ZNF490: variants seen among roughly 807,000 people sequenced by gnomAD.
The protein encoded by ZNF490 is zinc finger protein 490.
ZNF490 carries 11 observed loss-of-function variants against 17.7 expected under a neutral mutation model. That is an observed-to-expected ratio of 0.62 (90% CI 0.39 to 1.03). ZNF490 has a LOEUF of 1.03. ZNF490 is among the 50% of genes least tolerant of loss of function. The pLI is 0.00. For synonymous variants in ZNF490, 222 were observed against 216.1 expected, an observed-to-expected ratio of 1.03 and a Z score of -0.24; for missense variants, 542 against 643.4, an observed-to-expected ratio of 0.84 and a Z score of 1.71.
intron 2 of ZNF490, among the ~76,000 whole-genome samples, chr19:12,608,635 G>A (rs2023102239): frequency 6.6e-6 from 1 of 151,872 alleles, no homozygotes; most frequent in Non-Finnish European, 1.5e-5. Flanking sequence ...ACCATGCCCA[G>A]CTAACTTAAA....
rs1409889312 is a variant in ZNF490, at chr19:12,586,844, G to A, written c.163-3288C>T. Among the ~76,000 whole-genome samples the A allele has an allele frequency of 7.5e-5, 7 of 93,166 alleles. 2 individuals carry two copies. The highest frequency in any genetic ancestry group is 2.2e-4 in the African/African-American group (7 of 31,218). 61.1% of individuals were successfully genotyped at this position (93,166 alleles called of 152,430 possible). A position where few individuals can be genotyped will look rare whatever the true frequency, so the allele number is the denominator to read the frequency against. On this transcript the variant is annotated intron_variant, in intron 2 of 4. Transcript: ENST00000311437. ...CCAGAACTTTGGGAGGCCGAGGCAG[G>A]AGGACCTCTTGAGGTCAGGAGTTCA... is the stretch of plus-strand genomic sequence containing the variant.
Position 12,578,597 on chromosome 19 carries a change from A to T in ZNF490, c.*1888T>A. 17 of 985,506 alleles carry T rather than the reference A, an allele frequency of 1.7e-5. No homozygotes were observed. The highest frequency in any genetic ancestry group is 2.0e-5 in the Non-Finnish European group (17 of 829,964). 61.0% of individuals were successfully genotyped at this position (985,506 alleles called of 1,614,324 possible). ...ATGCTGACAATGTCTGTGAATTAGG[A>T]TGTGCATAGGCAGATCCCACTTGGG... On this transcript the variant is annotated 3_prime_UTR_variant, in exon 5 of 5. Coordinates refer to ENST00000311437, the MANE Select transcript of ZNF490 (RefSeq NM_020714.3).
Position 12,580,442 on chromosome 19 carries a change from A to T in ZNF490, c.*43T>A, listed in dbSNP as rs781219180. 1.3e-6 allele frequency: 2 copies of T among 1,531,384 alleles called. No individual in the cohort carries two copies. 94.9% of individuals were successfully genotyped at this position (1,531,384 alleles called of 1,614,324 possible). A position where few individuals can be genotyped will look rare whatever the true frequency, so the allele number is the denominator to read the frequency against. Reference sequence around the variant, plus strand: ...CAGCGTAAGTACTCTCATACATCCAAAAGGAACTAATACAACTGACAGCAT... The same window carrying T: ...CAGCGTAAGTACTCTCATACATCCATAAGGAACTAATACAACTGACAGCAT... On this transcript the variant is annotated 3_prime_UTR_variant, in exon 5 of 5. Coordinates refer to ENST00000311437, the MANE Select transcript of ZNF490 (RefSeq NM_020714.3).
chr19:12,601,085 CAA>C (rs539745562), intron 2 of ZNF490, among the ~76,000 whole-genome samples: 1 of 110,316 alleles, frequency 9.1e-6, no homozygotes, highest in Admixed American at 9.7e-5. Flanking sequence ...GACCCTGTCT[CAA>C]AAAAAAAAGA....
At chr19:12,599,139 C>CAAAAAAAAAAAAAA (rs55911311) in intron 2 of ZNF490, among the ~76,000 whole-genome samples, 12 of 68,630 alleles carry the variant, frequency 1.7e-4, no homozygotes, top group Non-Finnish European at 2.4e-4. Context: ...GACTCTGTCT[C>CAAAAAAAAAAAAAA]AAAAAAAAAA....
intron 2 of ZNF490, among the ~76,000 whole-genome samples, chr19:12,590,696 G>A (rs1341798979): frequency 1.3e-5 from 2 of 152,150 alleles, no homozygotes; most frequent in African/African-American, 4.8e-5. Context: ...GAACCAATAA[G>A]AGCAAGGTTG....
At chr19:12,585,168 G>A (rs1433910509) in intron 2 of ZNF490, among the ~76,000 whole-genome samples, 1 of 93,942 alleles carries the variant, frequency 1.1e-5, no homozygotes, top group African/African-American at 3.2e-5. Context: ...AGCACCAAAT[G>A]AGGGTGACCC....
At chr19:12,608,303 A>G (rs2145170385) in intron 2 of ZNF490, among the ~76,000 whole-genome samples, 1 of 152,214 alleles carries the variant, frequency 6.6e-6, no homozygotes, top group East Asian at 1.9e-4. Context: ...TGTTTTTTTG[A>G]GACAGGGTCT....
chr19:12,576,379 G>A lies in ZNF490; in HGVS notation c.*4106C>T, dbSNP rs928967936. Among the ~76,000 whole-genome samples the A allele has an allele frequency of 6.6e-6, 1 of 151,870 alleles. No homozygotes were observed. The highest frequency in any genetic ancestry group is 1.5e-5 in the Non-Finnish European group (1 of 67,986). On this transcript the variant is annotated 3_prime_UTR_variant, in exon 5 of 5. Transcript: ENST00000311437. ...AAACTAGCTCGGTATGGTGGCACGC[G>A]CCTGTAATCCCAGCTACTCAGGAGG...
intron 2 of ZNF490, among the ~76,000 whole-genome samples, chr19:12,608,163 T>G (rs1018712513): frequency 1.1e-4 from 17 of 152,152 alleles, no homozygotes; most frequent in African/African-American, 4.1e-4. Context: ...AATGACAAAA[T>G]TAGGTACCCC....
intron 2 of ZNF490, among the ~76,000 whole-genome samples, chr19:12,599,932 CA>C (rs1234533660): frequency 6.6e-6 from 1 of 152,048 alleles, no homozygotes; most frequent in Non-Finnish European, 1.5e-5. Context: ...AATAAAAGCA[CA>C]ACGGCTTTCT....
rs909413468 is a variant in ZNF490, at chr19:12,609,146, G to C, written c.162+12C>G. On this transcript the variant is annotated intron_variant, in intron 2 of 4. Transcript: ENST00000311437. Reference sequence around the variant, plus strand: ...GAAGGTAGCCACGCTGACAGGTAGCGATCTCACTTACAGTTTGAGTCTTGA... The same window carrying C: ...GAAGGTAGCCACGCTGACAGGTAGCCATCTCACTTACAGTTTGAGTCTTGA... 3 of 1,613,798 alleles carry C rather than the reference G, an allele frequency of 1.9e-6. No individual in the cohort carries two copies. In the African/African-American group the frequency reaches 4.0e-5, roughly 22 times the overall value.
intron 2 of ZNF490, 139 bp from the exon 3 acceptor site, chr19:12,583,695 C>A: frequency 1.4e-6 from 1 of 702,814 alleles, no homozygotes; most frequent in Non-Finnish European, 2.1e-6. Context: ...GAACTCTTGA[C>A]TCTTTCCATA....
intron 2 of ZNF490, among the ~76,000 whole-genome samples, chr19:12,589,125 C>A (rs1415088099): frequency 6.6e-6 from 1 of 152,036 alleles, no homozygotes; most frequent in Non-Finnish European, 1.5e-5. Context: ...ACTTCGAGAC[C>A]AGCCTGGCCA....
chr19:12,599,985 T>C (rs2022982152), intron 2 of ZNF490, among the ~76,000 whole-genome samples: 1 of 152,162 alleles, frequency 6.6e-6, no homozygotes, highest in Non-Finnish European at 1.5e-5. Context: ...TTGTAAAGGG[T>C]AATAAAAAAT....
At chr19:12,582,716 C>A in intron 4 of ZNF490, 134 bp downstream of exon 4, 1 of 825,498 alleles carries the variant, frequency 1.2e-6, no homozygotes, top group South Asian at 1.5e-5. Flanking sequence ...TTCAATGAAA[C>A]ACCTTCAGTA....
At position 12,576,697 on chromosome 19, in the gene ZNF490, G is replaced by A. The variant is rs1407674736; in HGVS notation, c.*3788C>T. On this transcript the variant is annotated 3_prime_UTR_variant, in exon 5 of 5. Transcript: ENST00000311437. Reference sequence around the variant, plus strand: ...CTGGTTGTGGTGGCACGCGCCTATAGTCCCAGCTACTCAGGAGGCTGAGGC... The same window carrying A: ...CTGGTTGTGGTGGCACGCGCCTATAATCCCAGCTACTCAGGAGGCTGAGGC... Among the ~76,000 whole-genome samples, 3 of 142,296 alleles carry A rather than the reference G, an allele frequency of 2.1e-5. No homozygotes were observed. The highest frequency in any genetic ancestry group is 4.6e-5 in the Non-Finnish European group (3 of 65,300). 93.4% of individuals were successfully genotyped at this position (142,296 alleles called of 152,430 possible).
chr19:12,583,370 T>G, intron 3 of ZNF490, 60 bp downstream of exon 3: 12 of 1,505,620 alleles, frequency 8.0e-6, no homozygotes, highest in Non-Finnish European at 1.1e-5. Flanking sequence ...GGAACTCAGT[T>G]GTTGTGCAAG....
At chr19:12,583,736 G>C (rs1466786856) in intron 2 of ZNF490, among the ~76,000 whole-genome samples, 180 bp from the exon 3 acceptor site, 1 of 133,152 alleles carries the variant, frequency 7.5e-6, no homozygotes, top group Non-Finnish European at 1.6e-5. Context: ...ACACTATCGT[G>C]AACATACAAA....
Sources: allele counts gnomAD v4.1 joint callset (sites outside exome capture counted in the v4.1 genomes callset), GRCh38; gene constraint gnomAD v4.1.1; transcripts MANE v1.5; gene names NCBI Gene and HGNC (gene_info 2026-07-23, HGNC 2026-07-21).